Variants in CSMD1 observed in about 807,000 individuals in gnomAD.
The protein encoded by CSMD1 is CUB and sushi domain-containing protein 1.
CSMD1 carries 213 observed loss-of-function variants against 417.5 expected under a neutral mutation model. That is an observed-to-expected ratio of 0.51 (90% CI 0.46 to 0.57). The LOEUF (loss-of-function observed/expected upper bound fraction) is 0.57, where lower values mean the gene tolerates loss of function less well. Ranked by LOEUF, CSMD1 falls within the 20% of genes least tolerant of loss-of-function variation. CSMD1 has a pLI of 0.00. For synonymous variants in CSMD1, 2,862 were observed against 1,736.8 expected (o/e 1.65, Z -16.11); for missense variants, 6,923 against 4,529.7 (o/e 1.53, Z -15.17).
chr8:4,093,395 A>G (rs1242210862), intron 3 of CSMD1, among the ~76,000 whole-genome samples: 19 of 152,316 alleles, frequency 1.2e-4, no homozygotes, highest in African/African-American at 4.6e-4. Flanking sequence ...TAGAAAGCCA[A>G]ATTGTTTAAA....
At chr8:3,175,238 C>G (rs1046150659) in intron 37 of CSMD1, among the ~76,000 whole-genome samples, 8 of 152,142 alleles carry the variant, frequency 5.3e-5, no homozygotes, top group Non-Finnish European at 2.9e-5. Context: ...TTACTCCCAC[C>G]TGGTAAAGAA....
chr8:4,001,974 G>C (rs1245924207), intron 4 of CSMD1, among the ~76,000 whole-genome samples: 1 of 152,124 alleles, frequency 6.6e-6, no homozygotes, highest in East Asian at 1.9e-4. Context: ...ATTCCGGAAT[G>C]AGTTACAGTT....
intron 5 of CSMD1, among the ~76,000 whole-genome samples, chr8:3,768,644 C>A (rs900906182): frequency 6.6e-6 from 1 of 152,160 alleles, no homozygotes; most frequent in South Asian, 2.1e-4. Context: ...TTTTCACTTG[C>A]TCCAGAAGCT....
At chr8:4,108,284 C>G (rs577775974) in intron 3 of CSMD1, among the ~76,000 whole-genome samples, 4 of 152,276 alleles carry the variant, frequency 2.6e-5, no homozygotes, top group East Asian at 1.9e-4. Flanking sequence ...TGAATGATCT[C>G]TGGGAAGCCA....
At chr8:4,210,420 A>G (rs968125717) in intron 3 of CSMD1, among the ~76,000 whole-genome samples, 1 of 152,232 alleles carries the variant, frequency 6.6e-6, no homozygotes, top group African/African-American at 2.4e-5. Flanking sequence ...GGTGGGTTAT[A>G]TAAATCTCAG....
intron 1 of CSMD1, among the ~76,000 whole-genome samples, chr8:4,650,315 A>G (rs1490141823): frequency 2.9e-5 from 4 of 139,014 alleles, no homozygotes; most frequent in Non-Finnish European, 6.1e-5. Flanking sequence ...ACTGCACTCC[A>G]GCCTGGGCAG....
chr8:4,869,519 G>T (rs1431648401), intron 1 of CSMD1, among the ~76,000 whole-genome samples: 2 of 151,932 alleles, frequency 1.3e-5, no homozygotes, highest in African/African-American at 2.4e-5. Flanking sequence ...TGATATCTAG[G>T]ATAGTGTATC....
intron 2 of CSMD1, among the ~76,000 whole-genome samples, chr8:4,575,861 A>C (rs934568843): frequency 6.6e-6 from 1 of 152,120 alleles, no homozygotes; most frequent in African/African-American, 2.4e-5. Context: ...CCTTCTAAAG[A>C]CTTGCAAACT....
chr8:3,889,485 A>G (rs1179765856), intron 5 of CSMD1, among the ~76,000 whole-genome samples: 1 of 113,034 alleles, frequency 8.8e-6, no homozygotes, highest in Non-Finnish European at 1.8e-5. Flanking sequence ...ATATATATAT[A>G]TATATATAAA....
chr8:3,913,443 G>T (rs923039874), intron 5 of CSMD1, among the ~76,000 whole-genome samples: 2 of 152,118 alleles, frequency 1.3e-5, no homozygotes, highest in African/African-American at 4.8e-5. Context: ...ACCAGCGAAG[G>T]GAAATGTAAC....
intron 6 of CSMD1, among the ~76,000 whole-genome samples, chr8:3,710,475 C>T (rs572359108): frequency 6.6e-6 from 1 of 152,120 alleles, no homozygotes; most frequent in Non-Finnish European, 1.5e-5. Flanking sequence ...CTGTGTGTGG[C>T]AGTGATTGTT....
intron 6 of CSMD1, among the ~76,000 whole-genome samples, chr8:3,718,807 G>T (rs1318151378): frequency 6.6e-6 from 1 of 152,134 alleles, no homozygotes; most frequent in Non-Finnish European, 1.5e-5. Context: ...GTATTTCCCT[G>T]TGATTTAAGT....
chr8:3,186,842 T>C (rs192178827), intron 36 of CSMD1, among the ~76,000 whole-genome samples: 1 of 152,340 alleles, frequency 6.6e-6, no homozygotes, highest in East Asian at 1.9e-4. Flanking sequence ...TAATCTTTGT[T>C]CTTCATTGGT....
intron 1 of CSMD1, among the ~76,000 whole-genome samples, chr8:4,926,424 C>G (rs1195620998): frequency 6.6e-6 from 1 of 152,162 alleles, no homozygotes; most frequent in Non-Finnish European, 1.5e-5. Context: ...GTGTAATTCT[C>G]TCACACTTAA....
At chr8:4,612,912 G>C (rs1801261246) in intron 2 of CSMD1, among the ~76,000 whole-genome samples, 2 of 152,182 alleles carry the variant, frequency 1.3e-5, no homozygotes, top group Non-Finnish European at 2.9e-5. Flanking sequence ...ATGATAGGCA[G>C]AGATTTTATG....
chr8:4,593,854 A>C (rs997318116), intron 2 of CSMD1, among the ~76,000 whole-genome samples: 1 of 152,190 alleles, frequency 6.6e-6, no homozygotes, highest in Non-Finnish European at 1.5e-5. Flanking sequence ...ATTGCCTGTA[A>C]CAAAATACCA....
intron 5 of CSMD1, among the ~76,000 whole-genome samples, chr8:3,863,039 G>A (rs1253969183): frequency 6.6e-6 from 1 of 152,128 alleles, no homozygotes; most frequent in African/African-American, 2.4e-5. Flanking sequence ...CTGCCTCAAA[G>A]ACGGCACCTC....
chr8:2,967,723 T>C (rs143454057), intron 57 of CSMD1, among the ~76,000 whole-genome samples: 1 of 152,328 alleles, frequency 6.6e-6, no homozygotes, highest in African/African-American at 2.4e-5. Flanking sequence ...GCACATTTAA[T>C]TGAAACAATT....
chr8:4,544,903 T>C (rs951418109), intron 2 of CSMD1, among the ~76,000 whole-genome samples: 1 of 152,252 alleles, frequency 6.6e-6, no homozygotes, highest in East Asian at 1.9e-4. Flanking sequence ...TGGTCTTTAA[T>C]GTTCCACTTA....
Sources: gnomAD v4.1 joint callset for allele counts (sites outside exome capture counted in the v4.1 genomes callset) on GRCh38, gnomAD v4.1.1 for gene constraint, MANE v1.5 for transcripts, NCBI Gene and HGNC (gene_info 2026-07-23, HGNC 2026-07-21) for gene names.